The following ESRRG variants were observed in gnomAD, a reference collection of about 807,000 sequenced individuals.
ESRRG encodes estrogen related receptor gamma.
A neutral mutation model predicts 44.0 loss-of-function variants in ESRRG; 13 were observed. That is an observed-to-expected ratio of 0.30 (90% confidence interval 0.19 to 0.47). The LOEUF (loss-of-function observed/expected upper bound fraction) is 0.47. Ranked by LOEUF, ESRRG falls within the 20% of genes least tolerant of loss-of-function variation. The probability of loss-of-function intolerance (pLI) is 1.00; values close to 1 mark genes in which losing one functional copy is unlikely to be tolerated. For synonymous variants in ESRRG, 215 were observed against 214.6 expected (o/e 1.00, Z -0.02); for missense variants, 395 against 580.6 (o/e 0.68, Z 3.29).
At chr1:217,127,774 A>G (rs1170769264) in intron 1 of ESRRG, among the ~76,000 whole-genome samples, 1 of 152,226 alleles carries the variant, frequency 6.6e-6, no homozygotes, top group Non-Finnish European at 1.5e-5. Context: ...GTTTCAGTTA[A>G]TTTTAAAATA....
In ESRRG at chr1:217,002,127, C is replaced by G. The variant is rs530814011; in HGVS notation, c.-105-62454G>C. 3.8e-3 allele frequency among the ~76,000 whole-genome samples: 576 copies of G among 151,854 alleles called. 1 individual carries two copies. Among genetic ancestry groups the G allele is most frequent in the Middle Eastern group, 0.017 (5 of 294 alleles). ...GACCAGCCTGGTCAACACGGCGAAA[C>G]CCCATCTCTACTAAAAATACAAAAA... On this transcript the variant is annotated intron_variant, in intron 1 of 7. Transcript: ENST00000359162.
chr1:217,107,868 C>A (rs2092616884), intron 1 of ESRRG, among the ~76,000 whole-genome samples: 1 of 151,998 alleles, frequency 6.6e-6, no homozygotes, highest in South Asian at 2.1e-4. Context: ...AAAATACAAC[C>A]TTTTCCTTTG....
intron 1 of ESRRG, among the ~76,000 whole-genome samples, chr1:216,987,661 C>T (rs576373911): frequency 6.6e-6 from 1 of 152,180 alleles, no homozygotes; most frequent in Non-Finnish European, 1.5e-5. Context: ...CCAGGACAGG[C>T]ACTCCCTGGG....
intron 2 of ESRRG, among the ~76,000 whole-genome samples, chr1:216,778,133 C>G (rs1386342503): frequency 6.6e-6 from 1 of 151,962 alleles, no homozygotes; most frequent in Non-Finnish European, 1.5e-5. Flanking sequence ...TCTTGGGAAG[C>G]AAGTTCTGAG....
At position 216,506,831 on chromosome 1, in the gene ESRRG, T is replaced by G; in HGVS notation, c.*108A>C. 1 of 1,232,976 alleles carries G rather than the reference T, an allele frequency of 8.1e-7. No individual in the cohort carries two copies. Among genetic ancestry groups the G allele is most frequent in the Non-Finnish European group, 1.1e-6 (1 of 875,938 alleles). 76.4% of individuals were successfully genotyped at this position (1,232,976 alleles called of 1,614,324 possible). On this transcript the variant is annotated 3_prime_UTR_variant, in exon 7 of 7. Transcript: ENST00000408911. ...TTGCTGCTAAATTATCAGTGCAGTC[T>G]GTTGATTTTTGATGTTGTTAACTAA...
chr1:216,704,589 C>G (rs147143264), intron 1 of ESRRG, among the ~76,000 whole-genome samples: 24 of 152,092 alleles, frequency 1.6e-4, no homozygotes, highest in African/African-American at 4.8e-4. Flanking sequence ...CATCACATGC[C>G]TTTCTGTACA....
intron 1 of ESRRG, among the ~76,000 whole-genome samples, chr1:216,968,363 A>T (rs968073141): frequency 3.3e-5 from 5 of 152,148 alleles, no homozygotes; most frequent in Non-Finnish European, 7.4e-5. Flanking sequence ...ATGGTTTTAC[A>T]TTTTACATTT....
At chr1:216,935,847 C>T (rs2064059180) in intron 2 of ESRRG, among the ~76,000 whole-genome samples, 1 of 152,036 alleles carries the variant, frequency 6.6e-6, no homozygotes, top group Non-Finnish European at 1.5e-5. Context: ...GAACTCCTGA[C>T]CTCGTGACCT....
intron 2 of ESRRG, among the ~76,000 whole-genome samples, chr1:216,653,382 T>A (rs2069510215): frequency 6.6e-6 from 1 of 152,206 alleles, no homozygotes; most frequent in South Asian, 2.1e-4. Flanking sequence ...ATGCTGATTT[T>A]AAAAAATCAA....
At chr1:216,825,181 A>G (rs2095369351) in intron 2 of ESRRG, among the ~76,000 whole-genome samples, 1 of 152,142 alleles carries the variant, frequency 6.6e-6, no homozygotes, top group South Asian at 2.1e-4. Flanking sequence ...TTACCTCTAC[A>G]TGTCAATTGT....
intron 1 of ESRRG, among the ~76,000 whole-genome samples, chr1:217,030,799 T>C (rs980607604): frequency 2.0e-5 from 3 of 152,192 alleles, no homozygotes; most frequent in African/African-American, 7.2e-5. Context: ...TTTCAGAGAG[T>C]ACCTCCAAAG....
intron 1 of ESRRG, among the ~76,000 whole-genome samples, chr1:217,111,161 T>C (rs566588291): frequency 6.6e-6 from 1 of 152,292 alleles, no homozygotes; most frequent in South Asian, 2.1e-4. Flanking sequence ...GAGCCCAGGA[T>C]ACCATCAGAG....
In ESRRG at chr1:216,739,776, T is replaced by A. The variant is rs2090435703; in HGVS notation, c.-13-62285A>T. On this transcript the variant is annotated intron_variant, in intron 2 of 7. Transcript: ENST00000359162. Reference sequence around the variant, plus strand: ...CTATTTTGCTAATATGGCTCTCCTATATGTGCCATGGAACCCAAACTCTGA... The same window carrying A: ...CTATTTTGCTAATATGGCTCTCCTAAATGTGCCATGGAACCCAAACTCTGA... Among the ~76,000 whole-genome samples, 5 of 152,338 alleles carry A rather than the reference T, an allele frequency of 3.3e-5. No individual in the cohort carries two copies. In the South Asian group the frequency reaches 1.0e-3, roughly 32 times the overall value.
At chr1:216,598,156 G>A (rs182297034) in intron 3 of ESRRG, among the ~76,000 whole-genome samples, 1 of 152,274 alleles carries the variant, frequency 6.6e-6, no homozygotes, top group African/African-American at 2.4e-5. Context: ...AAGACCAATA[G>A]TTCAATTTAA....
chr1:216,678,183 T>A (rs911587247), intron 1 of ESRRG, among the ~76,000 whole-genome samples: 1 of 152,206 alleles, frequency 6.6e-6, no homozygotes, highest in African/African-American at 2.4e-5. Context: ...ACATCAAGTA[T>A]AAAATTCCAG....
intron 5 of ESRRG, among the ~76,000 whole-genome samples, chr1:216,558,295 T>C (rs756232842): frequency 1.2e-4 from 19 of 152,180 alleles, no homozygotes; most frequent in Non-Finnish European, 2.4e-4. Flanking sequence ...AGTTGTGACT[T>C]CAGAAACTAT....
At chr1:217,108,647 C>T (rs2092626644) in intron 1 of ESRRG, among the ~76,000 whole-genome samples, 1 of 151,820 alleles carries the variant, frequency 6.6e-6, no homozygotes, top group Non-Finnish European at 1.5e-5. Context: ...CGCCTTCCCT[C>T]CCTCCCTCTC....
chr1:216,847,836 GC>G (rs1273941490), intron 2 of ESRRG, among the ~76,000 whole-genome samples: 2 of 152,102 alleles, frequency 1.3e-5, no homozygotes, highest in African/African-American at 4.8e-5. Flanking sequence ...AGTGGCGGTG[GC>G]TATGCCCTCT....
At chr1:216,889,214 C>T (rs1387005113) in intron 2 of ESRRG, among the ~76,000 whole-genome samples, 2 of 152,176 alleles carry the variant, frequency 1.3e-5, no homozygotes, top group East Asian at 1.9e-4. Context: ...GCTGACTCTC[C>T]ACACTGAGAG....
Sources: gnomAD v4.1 joint callset for allele counts (sites outside exome capture counted in the v4.1 genomes callset) on GRCh38, gnomAD v4.1.1 for gene constraint, MANE v1.5 for transcripts, NCBI Gene and HGNC (gene_info 2026-07-23, HGNC 2026-07-21) for gene names.